The following FN1 variants were observed in gnomAD, a reference collection of about 807,000 sequenced individuals.
The protein encoded by FN1 is fibronectin 1.
FN1 carries 106 observed loss-of-function variants against 297.3 expected under a neutral mutation model. That is an observed-to-expected ratio of 0.36 (90% confidence interval 0.30 to 0.42). The LOEUF is 0.42. FN1 is among the 10% of genes least tolerant of loss of function. The pLI is 1.00. For synonymous variants in FN1, 1,149 were observed against 1,152.6 expected (o/e 1.00, Z 0.06); for missense variants, 2,690 against 3,124.9 (o/e 0.86, Z 3.32).
chr2:215,419,727 A>G (rs1319985893), intron 11 of FN1, among the ~76,000 whole-genome samples: 1 of 152,212 alleles, frequency 6.6e-6, no homozygotes, highest in Non-Finnish European at 1.5e-5. Context: ...CTGGCTTAAC[A>G]TTTAAATAGC....
Position 215,379,182 on chromosome 2 carries a change from T to C in FN1, c.5570A>G (p.Lys1857Arg), listed in dbSNP as rs1179779090. The change falls in exon 34 of 46, where the codon AAA (lysine) becomes AGA (arginine). Residue 1857 changes from lysine (K) to arginine (R), a missense_variant. Transcript: ENST00000354785. ...GCTGTCAGGAGCAAGGTTGATTTCT[T>C]TCATTGGTCCGGTCTTCTCCTTGGG... ...VTPKEKTGPM[K>R]EINLAPDSSS... 7 of 1,613,964 alleles carry C rather than the reference T, an allele frequency of 4.3e-6. No homozygotes were observed. Among genetic ancestry groups the C allele is most frequent in the South Asian group, 1.1e-5 (1 of 91,082 alleles).
chr2:215,377,077 AGAGAGTGTGTGTGTGTGT>A (rs1559368228), intron 35 of FN1, among the ~76,000 whole-genome samples: 7 of 76,964 alleles, frequency 9.1e-5, no homozygotes, highest in Non-Finnish European at 2.0e-4. Context: ...TGAGAGAGAG[AGAGAGTGTGTGTGTGTGT>A]GTGTGTGTGT....
intron 38 of FN1, among the ~76,000 whole-genome samples, chr2:215,374,270 A>G (rs928500685): frequency 6.6e-5 from 10 of 152,086 alleles, no homozygotes; most frequent in Non-Finnish European, 7.4e-5. Context: ...GTTCCCCCCA[A>G]TTCTAAAAAG....
At chr2:215,414,790 T>A in intron 13 of FN1, 47 bp downstream of exon 13, 3 of 1,611,730 alleles carry the variant, frequency 1.9e-6, no homozygotes, top group Non-Finnish European at 2.5e-6. Flanking sequence ...TCAGAATTGA[T>A]AAGATTAGGA....
Position 215,409,935 on chromosome 2 carries a change from G to A in FN1, c.2121C>T (p.Thr707=). Residue 707 remains threonine, a splice_region_variant and synonymous_variant, in exon 14 of 46, where the codon ACC becomes ACT. Coordinates refer to ENST00000354785, the MANE Select transcript of FN1 (RefSeq NM_212482.4). ...GCATGAGGGTGGTTGTGTACATACT[G>A]GTCACAGGTGTGCTGGTGCTGGTGG... The part of the protein sequence containing the change: ...FTTTSTSTPV[T]SNTVTGETTP... 1 of 1,613,760 alleles carries A rather than the reference G, an allele frequency of 6.2e-7. No individual in the cohort carries two copies. The highest frequency in any genetic ancestry group is 8.5e-7 in the Non-Finnish European group (1 of 1,179,986).
rs1559475044 is a variant in FN1 at position 215,401,235 on chromosome 2, A to AAGGAAGGAAGGAAGG, written c.3254-1885_3254-1884insCCTTCCTTCCTTCCT. Among the ~76,000 whole-genome samples, 107 of 58,118 alleles carry AAGGAAGGAAGGAAGG rather than the reference A, an allele frequency of 1.8e-3. 6 individuals are homozygous for AAGGAAGGAAGGAAGG. The highest frequency in any genetic ancestry group is 6.5e-3 in the African/African-American group (97 of 14,964). The allele number at this position is 58,118 out of a possible 152,430, so 38.1% of individuals were successfully genotyped here. A position where few individuals can be genotyped will look rare whatever the true frequency, so the allele number is the denominator to read the frequency against. ...GAAAGAAAGAAAGAAAGAAAGAAAG[A>AAGGAAGGAAGGAAGG]AAGAAAGAAAGAAAGGAAGAAAGAA... On this transcript the variant is annotated intron_variant, in intron 20 of 45. Coordinates refer to ENST00000354785, the MANE Select transcript of FN1 (RefSeq NM_212482.4).
rs117900427 is a variant in FN1 at position 215,422,586 on chromosome 2, T to C, written c.1394-343A>G. Among the ~76,000 whole-genome samples, 80 of 152,346 alleles carry C rather than the reference T, an allele frequency of 5.3e-4. No homozygotes were observed. In the East Asian group the frequency reaches 0.01, roughly 20 times the overall value. ...AACTTTTCCCAGTTCCAGTTTATTCTGGATCAAATAAAAACTATGGGTTTG... is the reference window on the plus strand; with the variant it reads ...AACTTTTCCCAGTTCCAGTTTATTCCGGATCAAATAAAAACTATGGGTTTG... On this transcript the variant is annotated intron_variant, in intron 9 of 45. Coordinates refer to ENST00000354785, the MANE Select transcript of FN1 (RefSeq NM_212482.4).
chr2:215,412,945 C>T (rs1232079231), intron 13 of FN1, among the ~76,000 whole-genome samples: 5 of 151,770 alleles, frequency 3.3e-5, no homozygotes, highest in African/African-American at 9.7e-5. Context: ...ATCTATAGAC[C>T]GATCGCATCA....
intron 38 of FN1, 113 bp from the exon 39 acceptor site, chr2:215,373,524 T>C (rs897984597): frequency 3.6e-6 from 3 of 843,950 alleles, no homozygotes; most frequent in African/African-American, 3.3e-5. Context: ...CAGCTGGCTG[T>C]TGGCCTCTTG....
At position 215,434,636 on chromosome 2, in the gene FN1, T is replaced by G. The variant is rs563636840; in HGVS notation, c.277+60A>C. 356 of 1,598,152 alleles carry G rather than the reference T, an allele frequency of 2.2e-4. No homozygotes were observed. The African/African-American group carries it at 4.0e-3, about 18-fold the overall frequency. ...TGTATTTTTACTTACTAATGCAAAG[T>G]TTAACAATTACCACTTCATGTATTA... On this transcript the variant is annotated intron_variant, in intron 2 of 45. Coordinates refer to ENST00000354785, the MANE Select transcript of FN1 (RefSeq NM_212482.4).
At chr2:215,401,287 AAAG>A (rs763738060) in intron 20 of FN1, among the ~76,000 whole-genome samples, 6 of 94,566 alleles carry the variant, frequency 6.3e-5, no homozygotes, top group African/African-American at 1.3e-4. Context: ...GAAAGGAAGA[AAAG>A]AGAGAGAGAG....
At chr2:215,407,023 A>G (rs2061861707) in intron 18 of FN1, 104 bp downstream of exon 18, 6 of 893,064 alleles carry the variant, frequency 6.7e-6, no homozygotes, top group Middle Eastern at 3.3e-4. Flanking sequence ...AAACTAATAT[A>G]TAAGATTTCT....
Position 215,397,672 on chromosome 2 carries a change from C to T in FN1, c.3517+8G>A. 6.2e-7 allele frequency: 1 copy of T among 1,613,430 alleles called. No homozygotes were observed. The highest frequency in any genetic ancestry group is 8.5e-7 in the Non-Finnish European group (1 of 1,179,440). The stretch of plus-strand genomic sequence containing the variant: ...AAACTAATAGAAAAGGGAAAAAATT[C>T]TTCTTACGTGTCACCACTTTGTTTA... On this transcript the variant is annotated splice_region_variant and intron_variant, in intron 22 of 45. Coordinates refer to ENST00000354785, the MANE Select transcript of FN1 (RefSeq NM_212482.4).
At chr2:215,371,450 T>C (rs1042496172) in intron 40 of FN1, among the ~76,000 whole-genome samples, 10 of 138,054 alleles carry the variant, frequency 7.2e-5, no homozygotes, top group African/African-American at 2.8e-4. Context: ...TGCACACAAA[T>C]GGAAATTCAG....
chr2:215,379,344 T>C (rs764391053), intron 33 of FN1, 27 bp from the exon 34 acceptor site: 9 of 1,604,770 alleles, frequency 5.6e-6, no homozygotes, highest in Non-Finnish European at 7.7e-6. Flanking sequence ...TGGTTAGAGG[T>C]TATCTTATAG....
chr2:215,423,749 A>AC lies in FN1; in HGVS notation c.1217-224dup, dbSNP rs34325359. On this transcript the variant is annotated intron_variant, in intron 8 of 45. Coordinates refer to ENST00000354785, the MANE Select transcript of FN1 (RefSeq NM_212482.4). ...CCACTTTCACTGTCATTTCCCCAGC[A>AC]CCCCCCCCACAAAAGATTAAATGAT... Among the ~76,000 whole-genome samples the AC allele has an allele frequency of 0.25, 38,204 of 150,654 alleles. 6,553 individuals are homozygous for AC. Among genetic ancestry groups the AC allele is most frequent in the East Asian group, 0.92 (4,687 of 5,102 alleles).
At chr2:215,409,802 C>T (rs1354303813) in intron 14 of FN1, 63 bp from the exon 15 acceptor site, 4 of 1,598,452 alleles carry the variant, frequency 2.5e-6, no homozygotes, top group Non-Finnish European at 3.4e-6. Context: ...CCGTCCTCGT[C>T]GCCAACATCA....
intron 6 of FN1, among the ~76,000 whole-genome samples, chr2:215,427,708 G>A (rs941643485): frequency 7.9e-5 from 12 of 152,040 alleles, no homozygotes; most frequent in African/African-American, 2.9e-4. Flanking sequence ...TTCAATGTCG[G>A]GACAGGGAAG....
rs1168042470 is a variant in FN1, at chr2:215,367,889, C to G, written c.6992G>C (p.Ser2331Thr). 2.5e-6 allele frequency: 4 copies of G among 1,614,000 alleles called. No individual in the cohort carries two copies. The highest frequency in any genetic ancestry group is 2.5e-6 in the Non-Finnish European group (3 of 1,179,980). Residue 2331 changes from serine (S) to threonine (T), a missense_variant, in exon 42 of 46, where the codon AGT (serine) becomes ACT (threonine). By Grantham distance (58) the Ser-to-Thr change is moderately conservative (BLOSUM62 1). Coordinates refer to ENST00000354785, the MANE Select transcript of FN1 (RefSeq NM_212482.4). ...KLLCQCLGFG[S>T]GHFRCDSSRW... The stretch of plus-strand genomic sequence containing the variant: ...AGATGAATCACATCTGAAATGACCA[C>G]TTCCAAAGCCTAAGCACTGGCACAA...
Sources: allele counts gnomAD v4.1 joint callset (sites outside exome capture counted in the v4.1 genomes callset), GRCh38; gene constraint gnomAD v4.1.1; transcripts MANE v1.5; gene names NCBI Gene and HGNC (gene_info 2026-07-23, HGNC 2026-07-21).